The following RBMS2 variants were observed in gnomAD, a reference collection of about 807,000 sequenced individuals.
RBMS2 encodes the protein RNA binding motif single stranded interacting protein 2, also known as RNA-binding motif, single-stranded-interacting protein 2.
RBMS2 carries 38 observed loss-of-function variants against 58.4 expected under a neutral mutation model. That is an observed-to-expected ratio of 0.65 (90% CI 0.50 to 0.85). The LOEUF is 0.85. RBMS2 is among the 40% of genes least tolerant of loss of function. RBMS2 has a pLI of 0.00. For synonymous variants in RBMS2, 151 were observed against 180.7 expected (o/e 0.84, Z 1.32); for missense variants, 367 against 503.7 (o/e 0.73, Z 2.60).
intron 1 of RBMS2, among the ~76,000 whole-genome samples, chr12:56,551,610 G>A (rs115873595): frequency 0.01 from 1,566 of 151,626 alleles, 22 homozygotes; most frequent in African/African-American, 0.036. Context: ...ATTATTGAGG[G>A]TGGTTTGGAG....
chr12:56,587,459 T>C, intron 10 of RBMS2, 95 bp from the exon 11 acceptor site: 2 of 1,294,396 alleles, frequency 1.5e-6, no homozygotes, highest in East Asian at 2.5e-5. Context: ...GATTCTTAAA[T>C]GTCTGTCTCC....
At chr12:56,552,023 G>T (rs1285812795) in intron 1 of RBMS2, among the ~76,000 whole-genome samples, 1 of 152,224 alleles carries the variant, frequency 6.6e-6, no homozygotes, top group African/African-American at 2.4e-5. Context: ...AGGAGGTAGA[G>T]GTTGCAGTGA....
chr12:56,543,450 T>C (rs572252576), intron 1 of RBMS2, among the ~76,000 whole-genome samples: 264 of 150,220 alleles, frequency 1.8e-3, no homozygotes, highest in Non-Finnish European at 3.2e-3. Context: ...ATGCCATTAC[T>C]CTTCAGCCTG....
chr12:56,575,200 G>A (rs890043490), intron 5 of RBMS2, among the ~76,000 whole-genome samples: 4 of 151,728 alleles, frequency 2.6e-5, no homozygotes, highest in South Asian at 2.1e-4. Context: ...AGGCTGAGGC[G>A]GGCAGATCAC....
Position 56,562,458 on chromosome 12 carries a change from A to G in RBMS2, c.108A>G (p.Pro36=). The change falls in exon 2 of 14, where the codon CCA becomes CCG. Residue 36 remains proline (P), a synonymous_variant. Transcript: ENST00000262031. ...CTCAGCAGATGGCACCACCTAGCCCAAGCAACAGTACACCTAACAGCAGTA... is the reference window on the plus strand; with the variant it reads ...CTCAGCAGATGGCACCACCTAGCCCGAGCAACAGTACACCTAACAGCAGTA... ...SLAQQMAPPS[P]SNSTPNSSSG... The G allele has an allele frequency of 6.2e-7, 1 of 1,609,288 alleles. No individual in the cohort carries two copies. Among genetic ancestry groups the G allele is most frequent in the Non-Finnish European group, 8.5e-7 (1 of 1,175,560 alleles).
intron 4 of RBMS2, among the ~76,000 whole-genome samples, chr12:56,571,406 G>C (rs1280030618): frequency 6.6e-6 from 1 of 152,170 alleles, no homozygotes; most frequent in Non-Finnish European, 1.5e-5. Context: ...ACCGGCTGCT[G>C]GGGGAGAGCG....
chr12:56,565,998 C>T (rs567201085), intron 2 of RBMS2, among the ~76,000 whole-genome samples: 4 of 152,266 alleles, frequency 2.6e-5, no homozygotes, highest in Admixed American at 1.3e-4. Flanking sequence ...CACTTGTGTC[C>T]TCTGCCCCAC....
chr12:56,553,529 T>C (rs1878669184), intron 1 of RBMS2, among the ~76,000 whole-genome samples: 3 of 152,034 alleles, frequency 2.0e-5, no homozygotes. Context: ...GGTTTCACCA[T>C]GTTAGCTAGG....
intron 1 of RBMS2, among the ~76,000 whole-genome samples, chr12:56,548,198 C>T (rs1247093026): frequency 1.3e-5 from 2 of 151,964 alleles, no homozygotes; most frequent in Non-Finnish European, 2.9e-5. Flanking sequence ...AATCCCAGAA[C>T]TTTGGGAGGC....
At chr12:56,536,769 A>G (rs1026238553) in intron 1 of RBMS2, among the ~76,000 whole-genome samples, 9 of 151,616 alleles carry the variant, frequency 5.9e-5, no homozygotes, top group African/African-American at 9.7e-5. Context: ...GGGTTTCACC[A>G]TGCTGGCCAG....
chr12:56,574,122 T>G (rs1592471177), intron 5 of RBMS2, among the ~76,000 whole-genome samples: 1 of 152,136 alleles, frequency 6.6e-6, no homozygotes, highest in Admixed American at 6.6e-5. Flanking sequence ...ATTACAGGCA[T>G]GAGCCACTGC....
chr12:56,570,647 G>A lies in RBMS2; in HGVS notation c.384+657G>A, dbSNP rs534076888. Among the ~76,000 whole-genome samples the A allele has an allele frequency of 1.1e-4, 16 of 152,116 alleles. No individual in the cohort carries two copies. The South Asian group carries it at 2.7e-3, about 26-fold the overall frequency. ...GGCTGGAGTGCAGTGGCGCAATCTC[G>A]GCTCACTGCAAGCTGCACCTCCCGG... On this transcript the variant is annotated intron_variant, in intron 4 of 13. Coordinates refer to ENST00000262031, the MANE Select transcript of RBMS2 (RefSeq NM_002898.4).
chr12:56,534,933 G>A (rs555733083), intron 1 of RBMS2, among the ~76,000 whole-genome samples: 5 of 152,112 alleles, frequency 3.3e-5, no homozygotes, highest in African/African-American at 7.2e-5. Context: ...GAGACACGGC[G>A]CCCAGCCCCA....
chr12:56,521,627 G>A (rs991757835), upstream of RBMS2, among the ~76,000 whole-genome samples: 12 of 148,296 alleles, frequency 8.1e-5, no homozygotes, highest in Admixed American at 2.1e-4. Flanking sequence ...GTCTTTATAT[G>A]AGAATCGGAA....
intron 9 of RBMS2, among the ~76,000 whole-genome samples, chr12:56,585,535 A>C (rs1884564675): frequency 6.6e-6 from 1 of 152,218 alleles, no homozygotes; most frequent in African/African-American, 2.4e-5. Context: ...TATGTTTTCA[A>C]GATGTATCCA....
intron 9 of RBMS2, 41 bp from the exon 10 acceptor site, chr12:56,586,808 A>T (rs2136594772): frequency 6.6e-7 from 1 of 1,518,976 alleles, no homozygotes; most frequent in Non-Finnish European, 9.1e-7. Flanking sequence ...GCTGAATAAT[A>T]GTTTCCAGGC....
rs1180466273 is a variant in RBMS2 at position 56,570,429 on chromosome 12, G to T, written c.384+439G>T. Among the ~76,000 whole-genome samples the T allele has an allele frequency of 2.0e-5, 3 of 152,250 alleles. No homozygotes were observed. In the East Asian group the frequency reaches 5.8e-4, roughly 29 times the overall value. On this transcript the variant is annotated intron_variant, in intron 4 of 13. Coordinates refer to ENST00000262031, the MANE Select transcript of RBMS2 (RefSeq NM_002898.4). ...ACGGGCTGGGTAGTGGGCTGGGGAGGCAGGAGGGAAGCCACATCAAGGGAG... is the reference window on the plus strand; with the variant it reads ...ACGGGCTGGGTAGTGGGCTGGGGAGTCAGGAGGGAAGCCACATCAAGGGAG...
At chr12:56,572,855 G>T (rs1882524479) in intron 5 of RBMS2, 4 of 984,070 alleles carry the variant, frequency 4.1e-6, no homozygotes, top group Non-Finnish European at 4.8e-6. Flanking sequence ...GTGAGCCTTG[G>T]TTCACTCTCT....
chr12:56,522,371 G>C (rs1313857376), intron 1 of RBMS2, among the ~76,000 whole-genome samples: 1 of 152,096 alleles, frequency 6.6e-6, no homozygotes, highest in Non-Finnish European at 1.5e-5. Context: ...AAGTTAGTTT[G>C]ACTTCCTGCT....
Sources: gnomAD v4.1 joint callset for allele counts (sites outside exome capture counted in the v4.1 genomes callset) on GRCh38, gnomAD v4.1.1 for gene constraint, MANE v1.5 for transcripts, NCBI Gene and HGNC (gene_info 2026-07-23, HGNC 2026-07-21) for gene names.